RFTN1: variants seen among roughly 807,000 people sequenced by gnomAD.
The protein encoded by RFTN1 is raftlin.
In RFTN1, 26 loss-of-function variants were observed where a neutral mutation model predicts 46.5. That is an observed-to-expected ratio of 0.56 (90% CI 0.41 to 0.78). The LOEUF (loss-of-function observed/expected upper bound fraction) is 0.78, where lower values mean the gene tolerates loss of function less well. Among genes scored for constraint, RFTN1 ranks in the 30% least tolerant of loss-of-function variants. The pLI is 0.00. For missense variants in RFTN1, 693 were observed against 718.7 expected, an observed-to-expected ratio of 0.96 and a Z score of 0.41; for synonymous variants, 261 against 284.2, an observed-to-expected ratio of 0.92 and a Z score of 0.82.
At chr3:16,333,848 C>G (rs551556298) in intron 7 of RFTN1, among the ~76,000 whole-genome samples, 2 of 152,244 alleles carry the variant, frequency 1.3e-5, no homozygotes, top group African/African-American at 4.8e-5. Flanking sequence ...GAGAGAAATG[C>G]AGAATCTCAT....
rs1276743246 is a variant in RFTN1, at chr3:16,427,920, C to T, written c.332+5931G>A. ...CCCAACCTAGAGCAAATGACAGCCG[C>T]AGAGCCTCCTCTTCTAAAGCACTCT... On this transcript the variant is annotated intron_variant, in intron 3 of 9. Coordinates refer to ENST00000334133, the MANE Select transcript of RFTN1 (RefSeq NM_015150.2). The surrounding 1 kb of genome is among the most constrained non-coding windows in gnomAD (Gnocchi z 5.4). Among the ~76,000 whole-genome samples the T allele has an allele frequency of 6.6e-6, 1 of 152,160 alleles. No homozygotes were observed. The highest frequency in any genetic ancestry group is 2.4e-5 in the African/African-American group (1 of 41,428).
rs2071307822 is a variant in RFTN1, at chr3:16,341,363, T to C, written c.1147-14487A>G. 6.6e-6 allele frequency among the ~76,000 whole-genome samples: 1 copy of C among 152,268 alleles called. No individual in the cohort carries two copies. The highest frequency in any genetic ancestry group is 1.5e-5 in the Non-Finnish European group (1 of 68,042). Reference sequence around the variant, plus strand: ...ACAGAAACCTACACATGGCTGTTTATAGCAGCTTTATTCATAATTGCTAAA... The same window carrying C: ...ACAGAAACCTACACATGGCTGTTTACAGCAGCTTTATTCATAATTGCTAAA... On this transcript the variant is annotated intron_variant, in intron 7 of 9. Transcript: ENST00000334133. This position sits in a 1 kb window ranked among gnomAD's most constrained non-coding sequence, Gnocchi z 4.7.
At chr3:16,417,970 G>A (rs1159975924) in intron 3 of RFTN1, among the ~76,000 whole-genome samples, 1 of 152,164 alleles carries the variant, frequency 6.6e-6, no homozygotes, top group Non-Finnish European at 1.5e-5. Flanking sequence ...GCATCCCAAA[G>A]TTCTGGGATT....
intron 4 of RFTN1, among the ~76,000 whole-genome samples, chr3:16,389,464 T>C (rs545967748): frequency 6.7e-6 from 1 of 148,480 alleles, no homozygotes; most frequent in South Asian, 2.2e-4. Flanking sequence ...TGTGATCCCT[T>C]TGAGTAACAA....
chr3:16,402,898 GGA>G lies in RFTN1; in HGVS notation c.441+6475_441+6476del, dbSNP rs1445555119. Among the ~76,000 whole-genome samples the G allele has an allele frequency of 1.3e-5, 2 of 152,174 alleles. No individual in the cohort carries two copies. Among genetic ancestry groups the G allele is most frequent in the African/African-American group, 4.8e-5 (2 of 41,434 alleles). On this transcript the variant is annotated intron_variant, in intron 4 of 9. Transcript: ENST00000334133. This position sits in a 1 kb window ranked among gnomAD's most constrained non-coding sequence, Gnocchi z 4.5. The stretch of plus-strand genomic sequence containing the variant: ...AGTGCAAGATGAACCTAGTTCTTAA[GGA>G]GATCAGGGAGGTCAGGAGCTCCATC...
intron 3 of RFTN1, among the ~76,000 whole-genome samples, chr3:16,417,259 T>C (rs1575259010): frequency 1.3e-5 from 2 of 151,846 alleles, no homozygotes; most frequent in African/African-American, 4.8e-5. Context: ...CTCAGCCTCC[T>C]AAAGTGCTGA....
In RFTN1 at chr3:16,410,900, C is replaced by A. The variant is rs1215925520; in HGVS notation, c.333-1417G>T. Reference sequence around the variant, plus strand: ...CTGTATGACACTAGAGTGGAAATCACGTGGGTGTCAGAAATTGAAGAGGAT... The same window carrying A: ...CTGTATGACACTAGAGTGGAAATCAAGTGGGTGTCAGAAATTGAAGAGGAT... On this transcript the variant is annotated intron_variant, in intron 3 of 9. Coordinates refer to ENST00000334133, the MANE Select transcript of RFTN1 (RefSeq NM_015150.2). The surrounding 1 kb of genome is among the most constrained non-coding windows in gnomAD (Gnocchi z 4.6). 6.6e-6 allele frequency among the ~76,000 whole-genome samples: 1 copy of A among 152,308 alleles called. No individual in the cohort carries two copies. The highest frequency in any genetic ancestry group is 2.1e-4 in the South Asian group (1 of 4,816).
intron 2 of RFTN1, among the ~76,000 whole-genome samples, chr3:16,434,498 T>G (rs2075463244): frequency 6.6e-6 from 1 of 151,952 alleles, no homozygotes; most frequent in Non-Finnish European, 1.5e-5. Flanking sequence ...AGGTTTGCAG[T>G]GAGCCATGAT....
At chr3:16,343,476 T>A (rs1298716025) in intron 7 of RFTN1, among the ~76,000 whole-genome samples, 1 of 152,232 alleles carries the variant, frequency 6.6e-6, no homozygotes, top group African/African-American at 2.4e-5. Flanking sequence ...TGTCCAATTG[T>A]TTCCCACCAT....
In RFTN1 at chr3:16,341,033, G is replaced by A. The variant is rs1487042251; in HGVS notation, c.1147-14157C>T. Among the ~76,000 whole-genome samples, 1 of 152,180 alleles carries A rather than the reference G, an allele frequency of 6.6e-6. No individual in the cohort carries two copies. Among genetic ancestry groups the A allele is most frequent in the African/African-American group, 2.4e-5 (1 of 41,440 alleles). On this transcript the variant is annotated intron_variant, in intron 7 of 9. Transcript: ENST00000334133. The surrounding 1 kb of genome is among the most constrained non-coding windows in gnomAD (Gnocchi z 4.7). ...ATACCTCACCAAAGAAGATATGCAG[G>A]TAGCAAATAATAAGCATATAAAAAG...
rs57319001 is a variant in RFTN1 at position 16,509,900 on chromosome 3, A to C, written c.-9+3542T>G. On this transcript the variant is annotated intron_variant, in intron 1 of 9. Transcript: ENST00000334133. This position sits in a 1 kb window ranked among gnomAD's most constrained non-coding sequence, Gnocchi z 4.9. ...ATGTCTCAAGACTGAGCTGTCTGCC[A>C]TCTGACTCCTGCAAAGCTTGGTCAG... is the stretch of plus-strand genomic sequence containing the variant. Among the ~76,000 whole-genome samples the C allele has an allele frequency of 4.6e-3, 702 of 152,326 alleles. 9 individuals are homozygous for C. The highest frequency in any genetic ancestry group is 0.016 in the African/African-American group (670 of 41,572).
intron 7 of RFTN1, among the ~76,000 whole-genome samples, chr3:16,332,335 G>T (rs1002756100): frequency 1.1e-5 from 1 of 87,348 alleles, no homozygotes; most frequent in African/African-American, 4.8e-5. Context: ...CCTTCATTTT[G>T]TCTTCCAACT....
chr3:16,364,119 A>G (rs558927037), intron 6 of RFTN1, among the ~76,000 whole-genome samples: 1 of 152,360 alleles, frequency 6.6e-6, no homozygotes, highest in Non-Finnish European at 1.5e-5. Flanking sequence ...GAGGCAATGA[A>G]TAATCTAGAA....
At position 16,440,588 on chromosome 3, in the gene RFTN1, A is replaced by T. The variant is rs1328062664; in HGVS notation, c.146-6551T>A. ...CAAAGCCATTAACAGAGGTATCTGCAGGCCAGGAAAATAAAGTAAACAAGA... is the reference window on the plus strand; with the variant it reads ...CAAAGCCATTAACAGAGGTATCTGCTGGCCAGGAAAATAAAGTAAACAAGA... On this transcript the variant is annotated intron_variant, in intron 2 of 9. Coordinates refer to ENST00000334133, the MANE Select transcript of RFTN1 (RefSeq NM_015150.2). The surrounding 1 kb of genome is among the most constrained non-coding windows in gnomAD (Gnocchi z 4.6). 6.6e-6 allele frequency among the ~76,000 whole-genome samples: 1 copy of T among 152,116 alleles called. No individual in the cohort carries two copies. The highest frequency in any genetic ancestry group is 1.5e-5 in the Non-Finnish European group (1 of 68,018).
rs1456028394 is a variant in RFTN1 at position 16,380,480 on chromosome 3, G to A, written c.442-2378C>T. ...GGGACTGGAGGAATTGGAGAGGCTTGGACACAGACACCTGCCCTTCTCCCA... is the reference window on the plus strand; with the variant it reads ...GGGACTGGAGGAATTGGAGAGGCTTAGACACAGACACCTGCCCTTCTCCCA... On this transcript the variant is annotated intron_variant, in intron 4 of 9. Transcript: ENST00000334133. The surrounding 1 kb of genome is among the most constrained non-coding windows in gnomAD (Gnocchi z 4.8). Among the ~76,000 whole-genome samples the A allele has an allele frequency of 6.6e-6, 1 of 152,104 alleles. No homozygotes were observed. The highest frequency in any genetic ancestry group is 1.5e-5 in the Non-Finnish European group (1 of 68,004).
At chr3:16,487,498 T>C (rs1411331588) in intron 2 of RFTN1, among the ~76,000 whole-genome samples, 1 of 152,244 alleles carries the variant, frequency 6.6e-6, no homozygotes, top group African/African-American at 2.4e-5. Flanking sequence ...ACATGGCTAC[T>C]GAGCACTTGA....
intron 2 of RFTN1, among the ~76,000 whole-genome samples, chr3:16,455,252 G>C (rs139014643): frequency 6.6e-6 from 1 of 152,176 alleles, no homozygotes; most frequent in Non-Finnish European, 1.5e-5. Flanking sequence ...TTTCTATAAC[G>C]ATTACGTGGA....
rs541999486 is a variant in RFTN1 at position 16,509,462 on chromosome 3, C to A, written c.-9+3980G>T. ...GGCTGAAGTGAAGATAATATAAGTA[C>A]TCGCCTCTCATGAGGATTAAATTCA... On this transcript the variant is annotated intron_variant, in intron 1 of 9. Coordinates refer to ENST00000334133, the MANE Select transcript of RFTN1 (RefSeq NM_015150.2). The surrounding 1 kb of genome is among the most constrained non-coding windows in gnomAD (Gnocchi z 4.9). 5.3e-5 allele frequency among the ~76,000 whole-genome samples: 8 copies of A among 152,302 alleles called. No homozygotes were observed. The South Asian group carries it at 1.7e-3, about 32-fold the overall frequency.
At chr3:16,488,678 C>A (rs544925072) in intron 2 of RFTN1, among the ~76,000 whole-genome samples, 10 of 152,232 alleles carry the variant, frequency 6.6e-5, no homozygotes, top group African/African-American at 2.2e-4. Flanking sequence ...TCTGGCATCA[C>A]AAGAGCTTTG....
Sources: gnomAD v4.1 joint callset for allele counts (sites outside exome capture counted in the v4.1 genomes callset) on GRCh38, gnomAD v4.1.1 for gene constraint, Gnocchi (gnomAD v3.1) non-coding constraint, MANE v1.5 for transcripts, NCBI Gene and HGNC (gene_info 2026-07-23, HGNC 2026-07-21) for gene names.